The following NWD2 variants were observed in gnomAD, a reference collection of about 807,000 sequenced individuals.
NWD2 encodes the protein NACHT and WD repeat domain containing 2, also known as NACHT and WD repeat domain-containing protein 2.
A neutral mutation model predicts 132.7 loss-of-function variants in NWD2; 37 were observed. The observed-to-expected ratio is 0.28, with a 90% CI of 0.21 to 0.37. NWD2 has a LOEUF of 0.37. NWD2 is among the 10% of genes least tolerant of loss of function. The pLI, the probability that NWD2 is intolerant of heterozygous loss-of-function variation, is 1.00. For missense variants in NWD2, 1,592 were observed against 2,122.4 expected, an observed-to-expected ratio of 0.75 and a Z score of 4.91; for synonymous variants, 705 against 803.0, an observed-to-expected ratio of 0.88 and a Z score of 2.06.
At chr4:37,311,261 C>G (rs373097798) in intron 1 of NWD2, among the ~76,000 whole-genome samples, 11,068 of 152,026 alleles carry the variant, frequency 0.073, 1,242 homozygotes, top group African/African-American at 0.24. Flanking sequence ...CAGTGTAAAA[C>G]TGTTCCTATT....
At chr4:37,352,312 T>C (rs1719785194) in intron 2 of NWD2, among the ~76,000 whole-genome samples, 1 of 152,202 alleles carries the variant, frequency 6.6e-6, no homozygotes, top group Admixed American at 6.5e-5. Context: ...TATGGGAGTC[T>C]AAGTCTCTTT....
At chr4:37,282,680 G>C (rs894554622) in intron 1 of NWD2, among the ~76,000 whole-genome samples, 6 of 152,112 alleles carry the variant, frequency 3.9e-5, no homozygotes, top group Admixed American at 2.0e-4. Flanking sequence ...TTATGTTTTG[G>C]GGCATTAGTG....
At chr4:37,441,992 A>G (rs1282885187) in intron 6 of NWD2, among the ~76,000 whole-genome samples, 1 of 152,124 alleles carries the variant, frequency 6.6e-6, no homozygotes, top group Non-Finnish European at 1.5e-5. Context: ...GTAGAAACAA[A>G]CCGGTGTTTT....
intron 2 of NWD2, among the ~76,000 whole-genome samples, chr4:37,350,360 G>C (rs1301985437): frequency 6.6e-6 from 1 of 152,080 alleles, no homozygotes; most frequent in Non-Finnish European, 1.5e-5. Context: ...TTACTTCCTT[G>C]AGCAGTATTT....
rs1426190236 is a variant in NWD2, at chr4:37,444,083, A to G, written c.2095A>G (p.Asn699Asp). The change falls in exon 7 of 7, where the codon AAT becomes GAT. Residue 699 changes from asparagine to aspartate, a missense_variant. Asn to Asp is a conservative substitution (Grantham distance 23). Transcript: ENST00000309447. The surrounding 1 kb of genome is among the most constrained non-coding windows in gnomAD (Gnocchi z 4.8). The stretch of plus-strand genomic sequence containing the variant: ...GCTCAAAGAAAACACCAGACCCAGC[A>G]ATCCCCTGAGAGTACCTTACTTGTA... ...SELKENTRPS[N>D]PLRVPYLYIA... The G allele has an allele frequency of 1.3e-6, 2 of 1,551,652 alleles. No individual in the cohort carries two copies. The highest frequency in any genetic ancestry group is 2.7e-5 in the African/African-American group (2 of 73,026).
At position 37,448,867 on chromosome 4, in the gene NWD2, T is replaced by C. The variant is rs1394846264; in HGVS notation, c.*1650T>C. The C allele has an allele frequency of 6.6e-6, 1 of 152,206 alleles. No homozygotes were observed. The highest frequency in any genetic ancestry group is 2.4e-5 in the African/African-American group (1 of 41,458). 9.4% of individuals were successfully genotyped at this position (152,206 alleles called of 1,614,324 possible). A position where few individuals can be genotyped will look rare whatever the true frequency, so the allele number is the denominator to read the frequency against. On this transcript the variant is annotated 3_prime_UTR_variant, in exon 7 of 7. Transcript: ENST00000309447. ...TATTGATGCTAATAGGAAAAATAAATTCATGTAACCCATAGAGAATCCAGG... is the reference window on the plus strand; with the variant it reads ...TATTGATGCTAATAGGAAAAATAAACTCATGTAACCCATAGAGAATCCAGG...
Position 37,439,527 on chromosome 4 carries a change from G to T in NWD2, c.1296+137G>T, listed in dbSNP as rs1158904158. The T allele has an allele frequency of 1.7e-6, 1 of 584,832 alleles. No individual in the cohort carries two copies. The highest frequency in any genetic ancestry group is 3.5e-5 in the Admixed American group (1 of 28,622). 36.2% of individuals were successfully genotyped at this position (584,832 alleles called of 1,614,324 possible). ...GTCTTTTAGGAGTGAATACTGCAGT[G>T]CTTCTTTTTTGCTGGTATAACAGTT... is the stretch of plus-strand genomic sequence containing the variant. On this transcript the variant is annotated intron_variant, in intron 6 of 6. Coordinates refer to ENST00000309447, the MANE Select transcript of NWD2 (RefSeq NM_001144990.2). The surrounding 1 kb of genome is among the most constrained non-coding windows in gnomAD (Gnocchi z 4.5).
chr4:37,336,771 T>A (rs1347153284), intron 2 of NWD2, among the ~76,000 whole-genome samples: 1 of 151,770 alleles, frequency 6.6e-6, no homozygotes, highest in South Asian at 2.1e-4. Context: ...AAACCCCGTC[T>A]CTACTAAAAA....
chr4:37,328,430 T>C (rs1205209285), intron 2 of NWD2, among the ~76,000 whole-genome samples: 2 of 151,892 alleles, frequency 1.3e-5, no homozygotes, highest in South Asian at 4.2e-4. Flanking sequence ...GTGTGTGATG[T>C]TCCCCTCCCT....
At chr4:37,328,617 G>A (rs995443267) in intron 2 of NWD2, among the ~76,000 whole-genome samples, 4 of 150,652 alleles carry the variant, frequency 2.7e-5, no homozygotes, top group African/African-American at 9.8e-5. Flanking sequence ...GTGTAGATGT[G>A]CCACGTTTTC....
chr4:37,357,955 A>G (rs2109301253), intron 3 of NWD2, among the ~76,000 whole-genome samples: 1 of 152,206 alleles, frequency 6.6e-6, no homozygotes, highest in Admixed American at 6.5e-5. Flanking sequence ...TGTTCAGGAA[A>G]CAGCAAGCAG....
At chr4:37,255,186 A>G (rs1267499133) in intron 1 of NWD2, among the ~76,000 whole-genome samples, 1 of 152,228 alleles carries the variant, frequency 6.6e-6, no homozygotes, top group African/African-American at 2.4e-5. Context: ...AGGACAAACA[A>G]CTATAAAAAC....
intron 1 of NWD2, among the ~76,000 whole-genome samples, chr4:37,319,784 A>T (rs1719031695): frequency 6.6e-6 from 1 of 152,124 alleles, no homozygotes; most frequent in African/African-American, 2.4e-5. Context: ...AGATATCTGT[A>T]GTTGTGCAGC....
chr4:37,306,484 G>A (rs1718710923), intron 1 of NWD2, among the ~76,000 whole-genome samples: 1 of 152,000 alleles, frequency 6.6e-6, no homozygotes, highest in African/African-American at 2.4e-5. Context: ...TACTGCCTTT[G>A]TCTATCCCAT....
At chr4:37,318,629 C>T (rs796829822) in intron 1 of NWD2, among the ~76,000 whole-genome samples, 7 of 152,000 alleles carry the variant, frequency 4.6e-5, no homozygotes, top group African/African-American at 1.7e-4. Flanking sequence ...TCTGTTGTTG[C>T]CATCTTTATA....
At position 37,447,205 on chromosome 4, in the gene NWD2, C is replaced by A. The variant is rs1461837708; in HGVS notation, c.5217C>A (p.Ala1739=). The part of the protein sequence containing the change: ...SALEARGHSY[A]PDN ...TAGAAGCCAGGGGCCACAGCTATGC[C>A]CCTGATAACTGACAAAATGTTTTCC... The change falls in exon 7 of 7, where the codon GCC becomes GCA. Residue 1739 remains alanine, a synonymous_variant. Coordinates refer to ENST00000309447, the MANE Select transcript of NWD2 (RefSeq NM_001144990.2). The A allele has an allele frequency of 3.2e-6, 5 of 1,544,180 alleles. No individual in the cohort carries two copies. The highest frequency in any genetic ancestry group is 3.5e-6 in the Non-Finnish European group (4 of 1,142,636).
At chr4:37,386,279 C>CAT (rs1284763684) in intron 3 of NWD2, among the ~76,000 whole-genome samples, 1 of 152,010 alleles carries the variant, frequency 6.6e-6, no homozygotes, top group Non-Finnish European at 1.5e-5. Flanking sequence ...CACACACACA[C>CAT]ACACACATAA....
At chr4:37,281,357 G>C (rs1280640920) in intron 1 of NWD2, among the ~76,000 whole-genome samples, 4 of 149,588 alleles carry the variant, frequency 2.7e-5, no homozygotes, top group Admixed American at 6.6e-5. Flanking sequence ...TTTTTTTTTT[G>C]AAAAGCTGCT....
intron 3 of NWD2, among the ~76,000 whole-genome samples, chr4:37,395,492 C>G (rs1435218547): frequency 7.3e-6 from 1 of 137,880 alleles, no homozygotes; most frequent in Non-Finnish European, 1.5e-5. Flanking sequence ...GTCCCACACC[C>G]AGTTTAAAGG....
Sources: allele counts gnomAD v4.1 joint callset (sites outside exome capture counted in the v4.1 genomes callset), GRCh38; gene constraint gnomAD v4.1.1; non-coding constraint Gnocchi (gnomAD v3.1); transcripts MANE v1.5; gene names NCBI Gene and HGNC (gene_info 2026-07-23, HGNC 2026-07-21).